Variants in PCDHGA3 observed in about 807,000 individuals in gnomAD.
The protein encoded by PCDHGA3 is protocadherin gamma subfamily A, 3.
In PCDHGA3, 40 loss-of-function variants were observed where a neutral mutation model predicts 58.5. That is an observed-to-expected ratio of 0.68 (90% CI 0.53 to 0.89). The LOEUF (loss-of-function observed/expected upper bound fraction) is 0.89. Among genes scored for constraint, PCDHGA3 ranks in the 40% least tolerant of loss-of-function variants. The probability of loss-of-function intolerance (pLI) is 0.00; values close to 1 mark genes in which losing one functional copy is unlikely to be tolerated. For synonymous variants in PCDHGA3, 530 were observed against 525.7 expected, an observed-to-expected ratio of 1.01 and a Z score of -0.11; for missense variants, 1,223 against 1,195.9, an observed-to-expected ratio of 1.02 and a Z score of -0.33.
intron 1 of PCDHGA3, chr5:141,408,283 C>G (rs62378453): frequency 0.09 from 144,952 of 1,612,732 alleles, 7,152 homozygotes; most frequent in African/African-American, 0.18. Flanking sequence ...TGTTCTACCC[C>G]ACCCTGAGTG....
intron 1 of PCDHGA3, among the ~76,000 whole-genome samples, chr5:141,435,225 A>G (rs919735003): frequency 5.9e-5 from 9 of 152,188 alleles, no homozygotes; most frequent in Non-Finnish European, 1.2e-4. Context: ...CTTTCTTTCA[A>G]AGTTCAGTAA....
chr5:141,368,472 A>G (rs1765672364), intron 1 of PCDHGA3, among the ~76,000 whole-genome samples: 1 of 152,196 alleles, frequency 6.6e-6, no homozygotes, highest in South Asian at 2.1e-4. Flanking sequence ...ATGCATCCAA[A>G]GAGTAACAAG....
At position 141,487,254 on chromosome 5, in the gene PCDHGA3, C is replaced by T. The variant is rs1341564301; in HGVS notation, c.2425-7553C>T. On this transcript the variant is annotated intron_variant, in intron 1 of 3. Coordinates refer to ENST00000253812, the MANE Select transcript of PCDHGA3 (RefSeq NM_018916.4). The surrounding 1 kb of genome is among the most constrained non-coding windows in gnomAD (Gnocchi z 5.0). Reference sequence around the variant, plus strand: ...GAATCTCGTCTAACCCTCTACTTGGCTGTGTCCCTAGTGGCAATTTGCTTT... The same window carrying T: ...GAATCTCGTCTAACCCTCTACTTGGTTGTGTCCCTAGTGGCAATTTGCTTT... The T allele has an allele frequency of 1.2e-6, 2 of 1,614,126 alleles. No homozygotes were observed. Among genetic ancestry groups the T allele is most frequent in the East Asian group, 4.5e-5 (2 of 44,860 alleles).
rs754380051 is a variant in PCDHGA3 at position 141,344,714 on chromosome 5, C to T, written c.681C>T (p.His227=). 8.1e-6 allele frequency: 13 copies of T among 1,613,858 alleles called. No individual in the cohort carries two copies. The African/African-American group carries it at 1.6e-4, about 20-fold the overall frequency. The part of the protein sequence containing the change: ...GGDPVHSGNL[H]IQVIVLDAND... ...ACCCTGTCCACTCTGGCAACTTGCA[C>T]ATCCAAGTGATAGTCCTGGATGCAA... The change falls in exon 1 of 4, where the codon CAC becomes CAT. Residue 227 remains histidine (H), a synonymous_variant. Transcript: ENST00000253812.
rs1397883180 is a variant in PCDHGA3, at chr5:141,345,633, G to A, written c.1600G>A (p.Ala534Thr). 2 of 1,614,210 alleles carry A rather than the reference G, an allele frequency of 1.2e-6. No individual in the cohort carries two copies. The highest frequency in any genetic ancestry group is 1.7e-5 in the Admixed American group (1 of 60,028). The change falls in exon 1 of 4, where the codon GCC (alanine) becomes ACC (threonine). Residue 534 changes from alanine (A) to threonine (T), a missense_variant. Physicochemically the swap from Ala to Thr is moderately conservative, Grantham distance 58 (BLOSUM62 0). Coordinates refer to ENST00000253812, the MANE Select transcript of PCDHGA3 (RefSeq NM_018916.4). ...TAGAGACTTAAAGCTACTGGTGACA[G>A]CCAGCGACAGCGGGAACCCTCCACT... ...QFRDLKLLVT[A>T]SDSGNPPLSS...
chr5:141,450,006 C>CT lies in PCDHGA3; in HGVS notation c.2425-44783dup, dbSNP rs1554136305. ...CACATTGCATTTAGTTGCCATGTCT[C>CT]TTTTTTTTTTTTTTTTTTGAGACAG... On this transcript the variant is annotated intron_variant, in intron 1 of 3. Coordinates refer to ENST00000253812, the MANE Select transcript of PCDHGA3 (RefSeq NM_018916.4). Among the ~76,000 whole-genome samples the CT allele has an allele frequency of 9.8e-3, 1,304 of 132,922 alleles. 21 individuals are homozygous for CT. Among genetic ancestry groups the CT allele is most frequent in the Non-Finnish European group, 0.015 (957 of 62,878 alleles). 87.2% of individuals were successfully genotyped at this position (132,922 alleles called of 152,430 possible).
chr5:141,352,290 C>T (rs376402218), intron 1 of PCDHGA3: 1 of 1,613,958 alleles, frequency 6.2e-7, no homozygotes, highest in Non-Finnish European at 8.5e-7. Context: ...CGCCCTGAGC[C>T]CTCTGACCCC....
rs199952854 is a variant in PCDHGA3 at position 141,477,297 on chromosome 5, G to T, written c.2425-17510G>T. 4 of 1,614,176 alleles carry T rather than the reference G, an allele frequency of 2.5e-6. No individual in the cohort carries two copies. Among genetic ancestry groups the T allele is most frequent in the Non-Finnish European group, 3.4e-6 (4 of 1,180,040 alleles). On this transcript the variant is annotated intron_variant, in intron 1 of 3. Coordinates refer to ENST00000253812, the MANE Select transcript of PCDHGA3 (RefSeq NM_018916.4). The surrounding 1 kb of genome is among the most constrained non-coding windows in gnomAD (Gnocchi z 4.9). ...CTGGTGACCTGCGAAGTTCCACCGGGTCTCCCTTTCAGCCTTACTTCTTCC... is the reference window on the plus strand; with the variant it reads ...CTGGTGACCTGCGAAGTTCCACCGGTTCTCCCTTTCAGCCTTACTTCTTCC...
chr5:141,445,991 T>C (rs532620580), intron 1 of PCDHGA3, among the ~76,000 whole-genome samples: 147 of 152,168 alleles, frequency 9.7e-4, no homozygotes, highest in Admixed American at 3.4e-3. Context: ...TAAATAGAAA[T>C]AGGAAGATAA....
Position 141,485,369 on chromosome 5 carries a change from G to T in PCDHGA3, c.2425-9438G>T. On this transcript the variant is annotated intron_variant, in intron 1 of 3. Transcript: ENST00000253812. This position sits in a 1 kb window ranked among gnomAD's most constrained non-coding sequence, Gnocchi z 5.7. ...CAGTCTGTCAGCTCGCAGGCTGCAG[G>T]TCGCTGGAGAGGTGAACCAAAGACA... 1 of 1,614,154 alleles carries T rather than the reference G, an allele frequency of 6.2e-7. No individual in the cohort carries two copies. The highest frequency in any genetic ancestry group is 1.1e-5 in the South Asian group (1 of 91,088).
At chr5:141,409,700 G>C (rs1561722120) in intron 1 of PCDHGA3, 4 of 1,613,280 alleles carry the variant, frequency 2.5e-6, no homozygotes, top group Non-Finnish European at 3.4e-6. Context: ...AGAGCCCCTG[G>C]CGGTGTCGTC....
chr5:141,360,681 GAAAC>G, intron 1 of PCDHGA3: 1 of 1,613,946 alleles, frequency 6.2e-7, no homozygotes, highest in Non-Finnish European at 8.5e-7. Flanking sequence ...ATCTCGCTGA[GAAAC>G]AGACTCCAGA....
At chr5:141,362,631 A>G in intron 1 of PCDHGA3, 1 of 1,494,752 alleles carries the variant, frequency 6.7e-7, no homozygotes, top group Non-Finnish European at 9.0e-7. Flanking sequence ...TCCACTGCGT[A>G]TTTCTTTGTC....
chr5:141,472,856 C>T (rs1251907207), intron 1 of PCDHGA3, among the ~76,000 whole-genome samples: 5 of 150,296 alleles, frequency 3.3e-5, no homozygotes, highest in East Asian at 2.0e-4. Flanking sequence ...CATGGTGGCA[C>T]ATGCCTGTAT....
intron 1 of PCDHGA3, chr5:141,478,786 C>T: frequency 6.8e-7 from 1 of 1,480,998 alleles, no homozygotes; most frequent in Non-Finnish European, 9.0e-7. Context: ...ACCTAATTCA[C>T]ATCCTCAGCA....
chr5:141,489,477 G>C lies in PCDHGA3; in HGVS notation c.2425-5330G>C, dbSNP rs2154581232. 1.9e-6 allele frequency: 3 copies of C among 1,614,108 alleles called. No homozygotes were observed. Among genetic ancestry groups the C allele is most frequent in the Non-Finnish European group, 2.5e-6 (3 of 1,180,034 alleles). ...ATGGGCGCTATTTTTCCCTGAGCTT[G>C]ATGAGTGGTGCCCTGGCAGTGAATC... is the stretch of plus-strand genomic sequence containing the variant. On this transcript the variant is annotated intron_variant, in intron 1 of 3. Coordinates refer to ENST00000253812, the MANE Select transcript of PCDHGA3 (RefSeq NM_018916.4). This position sits in a 1 kb window ranked among gnomAD's most constrained non-coding sequence, Gnocchi z 4.5.
At chr5:141,407,969 A>C (rs900029714) in intron 1 of PCDHGA3, 1 of 708,308 alleles carries the variant, frequency 1.4e-6, no homozygotes, top group Non-Finnish European at 2.2e-6. Flanking sequence ...GCAAGCGCTG[A>C]CGCCGGGGAT....
At chr5:141,371,159 G>T in intron 1 of PCDHGA3, 2 of 1,614,024 alleles carry the variant, frequency 1.2e-6, no homozygotes, top group Non-Finnish European at 1.7e-6. Context: ...CAGAGAACCT[G>T]CCCGCTGGCT....
chr5:141,443,974 G>A (rs775899117), intron 1 of PCDHGA3, among the ~76,000 whole-genome samples: 5 of 152,066 alleles, frequency 3.3e-5, no homozygotes, highest in Non-Finnish European at 7.4e-5. Context: ...GTCCATCTAA[G>A]CTATGTTAAT....
Sources: gnomAD v4.1 joint callset for allele counts (sites outside exome capture counted in the v4.1 genomes callset) on GRCh38, gnomAD v4.1.1 for gene constraint, Gnocchi (gnomAD v3.1) non-coding constraint, MANE v1.5 for transcripts, NCBI Gene and HGNC (gene_info 2026-07-23, HGNC 2026-07-21) for gene names.